SPMIP2: variants seen among roughly 807,000 people sequenced by gnomAD.
SPMIP2 encodes the protein protein SPMIP2.
At chr4:159,004,044 G>T in the SPMIP2 span, among the ~76,000 whole-genome samples, 3 of 151,460 alleles carry the variant, frequency 2.0e-5, no homozygotes. Flanking sequence ...TTTGAGTTGG[G>T]GTCTCACTGT....
chr4:158,924,526 C>T, the SPMIP2 span, among the ~76,000 whole-genome samples: 1 of 152,126 alleles, frequency 6.6e-6, no homozygotes, highest in Admixed American at 6.5e-5. Context: ...ATTACAGGTG[C>T]CCACCACCAT....
At chr4:159,052,186 T>A in the SPMIP2 span, among the ~76,000 whole-genome samples, 4 of 152,196 alleles carry the variant, frequency 2.6e-5, no homozygotes, top group African/African-American at 9.7e-5. Context: ...CCAGTGTACC[T>A]AGTTCGCACA....
the SPMIP2 span, among the ~76,000 whole-genome samples, chr4:158,931,735 G>C: frequency 2.6e-5 from 4 of 151,778 alleles, no homozygotes; most frequent in African/African-American, 9.7e-5. Context: ...GCTAACATTT[G>C]TATTTTCAGT....
chr4:159,050,797 T>TA, the SPMIP2 span, among the ~76,000 whole-genome samples: 50,725 of 146,496 alleles, frequency 0.35, 8,815 homozygotes, highest in East Asian at 0.63. Flanking sequence ...ACTCATCCGT[T>TA]AAAAAAAAAA....
chr4:158,900,495 A>G, the SPMIP2 span, among the ~76,000 whole-genome samples: 1 of 152,178 alleles, frequency 6.6e-6, no homozygotes, highest in Admixed American at 6.5e-5. Context: ...CTCTTTAAGA[A>G]CTTGCTTTAT....
At chr4:158,910,907 T>G in the SPMIP2 span, among the ~76,000 whole-genome samples, 1 of 152,202 alleles carries the variant, frequency 6.6e-6, no homozygotes, top group Non-Finnish European at 1.5e-5. Flanking sequence ...CATCATTGGT[T>G]CTGTTTCTCT....
chr4:159,050,813 T>TA, the SPMIP2 span, among the ~76,000 whole-genome samples: 446 of 148,774 alleles, frequency 3.0e-3, 1 homozygote, highest in Non-Finnish European at 5.3e-3. Flanking sequence ...AAAAAAGCTA[T>TA]AAAAAAAAAT....
chr4:158,989,971 CA>C, the SPMIP2 span, among the ~76,000 whole-genome samples: 2 of 152,116 alleles, frequency 1.3e-5, no homozygotes, highest in Admixed American at 6.6e-5. Context: ...GAAAATTTTG[CA>C]ATCTATCCAT....
chr4:159,043,055 G>A, the SPMIP2 span, among the ~76,000 whole-genome samples: 9 of 152,112 alleles, frequency 5.9e-5, no homozygotes, highest in South Asian at 4.1e-4. Flanking sequence ...TTTGCTCCTC[G>A]TGAATTCTTT....
At chr4:159,016,995 T>C in the SPMIP2 span, among the ~76,000 whole-genome samples, 2 of 152,154 alleles carry the variant, frequency 1.3e-5, no homozygotes, top group Non-Finnish European at 2.9e-5. Flanking sequence ...GAGTATGGAT[T>C]GGAGGGAGCA....
At chr4:159,072,251 C>A in the SPMIP2 span, among the ~76,000 whole-genome samples, 1 of 152,126 alleles carries the variant, frequency 6.6e-6, no homozygotes, top group Admixed American at 6.5e-5. Context: ...GAAGTAAAGG[C>A]TGCAGTGAGC....
the SPMIP2 span, chr4:159,007,610 C>T: frequency 9.7e-7 from 1 of 1,034,228 alleles, no homozygotes; most frequent in Non-Finnish European, 1.5e-6. Context: ...CAACCATTTC[C>T]AAGTACTTCT....
chr4:159,011,669 G>T, the SPMIP2 span, among the ~76,000 whole-genome samples: 1 of 150,268 alleles, frequency 6.7e-6, no homozygotes, highest in East Asian at 2.0e-4. Flanking sequence ...CAGGAGAATC[G>T]CTTGAACCTG....
the SPMIP2 span, among the ~76,000 whole-genome samples, chr4:158,997,828 A>C: frequency 2.6e-5 from 4 of 151,738 alleles, no homozygotes; most frequent in African/African-American, 9.7e-5. Flanking sequence ...AATTTTTAAA[A>C]TTTTTTTGGT....
chr4:158,902,568 C>T, the SPMIP2 span, among the ~76,000 whole-genome samples: 2 of 152,218 alleles, frequency 1.3e-5, no homozygotes, highest in African/African-American at 2.4e-5. Context: ...TTTAAGTCTG[C>T]TGAAGCTGTG....
the SPMIP2 span, among the ~76,000 whole-genome samples, chr4:158,942,012 G>A: frequency 6.6e-6 from 1 of 152,138 alleles, no homozygotes; most frequent in East Asian, 1.9e-4. Context: ...GAAGATCCTA[G>A]CTCTGCTCAG....
chr4:159,036,706 C>A, the SPMIP2 span, among the ~76,000 whole-genome samples: 5 of 152,160 alleles, frequency 3.3e-5, no homozygotes, highest in Admixed American at 3.3e-4. Context: ...AATATATTTC[C>A]CCAATGTGGG....
chr4:159,018,376 A>T, the SPMIP2 span, among the ~76,000 whole-genome samples: 1 of 152,202 alleles, frequency 6.6e-6, no homozygotes, highest in Non-Finnish European at 1.5e-5. Context: ...AGGGAAGGGA[A>T]TCTAGGACAT....
the SPMIP2 span, among the ~76,000 whole-genome samples, chr4:158,999,217 ATAG>A: frequency 6.6e-6 from 1 of 152,128 alleles, no homozygotes; most frequent in Non-Finnish European, 1.5e-5. Flanking sequence ...CATTGACTTA[ATAG>A]TAGTTTTGCT....
Sources: allele counts gnomAD v4.1 joint callset (sites outside exome capture counted in the v4.1 genomes callset), GRCh38; gene constraint gnomAD v4.1.1; transcripts MANE v1.5; gene names NCBI Gene and HGNC (gene_info 2026-07-23, HGNC 2026-07-21).